Variants in PIGQ observed in about 807,000 individuals in gnomAD.
PIGQ encodes phosphatidylinositol N-acetylglucosaminyltransferase subunit Q.
PIGQ carries 54 observed loss-of-function variants against 60.3 expected under a neutral mutation model. The observed-to-expected ratio is 0.90, with a 90% CI of 0.72 to 1.12. The LOEUF (loss-of-function observed/expected upper bound fraction) is 1.12, where lower values mean the gene tolerates loss of function less well. PIGQ is among the 50% of genes most tolerant of loss of function. The pLI is 0.00. For synonymous variants in PIGQ, 416 were observed against 363.7 expected, an observed-to-expected ratio of 1.14 and a Z score of -1.64; for missense variants, 799 against 793.5, an observed-to-expected ratio of 1.01 and a Z score of -0.08.
chr16:576,543 C>T (rs991006620), intron 4 of PIGQ: 2 of 559,452 alleles, frequency 3.6e-6, no homozygotes, highest in African/African-American at 1.9e-5. Context: ...GCCCAGCGTC[C>T]TGGTATCTCC....
chr16:574,051 C>G lies in PIGQ; in HGVS notation c.-9-15C>G. On this transcript the variant is annotated splice_polypyrimidine_tract_variant and intron_variant, in intron 1 of 10. Coordinates refer to ENST00000321878, the MANE Select transcript of PIGQ (RefSeq NM_004204.5). The stretch of plus-strand genomic sequence containing the variant: ...AGCAGCAGCTCTGAGCCGAGCCTCT[C>G]CTCTTCTCTTCCAGCCTCCCGGCAT... 6.4e-7 allele frequency: 1 copy of G among 1,563,846 alleles called. No homozygotes were observed. Among genetic ancestry groups the G allele is most frequent in the Non-Finnish European group, 8.7e-7 (1 of 1,151,840 alleles).
chr16:576,734 A>C, intron 4 of PIGQ: 1 of 405,224 alleles, frequency 2.5e-6, no homozygotes, highest in Non-Finnish European at 4.4e-6. Context: ...CTTGTCTCCC[A>C]TCTCCCACCT....
At chr16:582,423 G>A (rs2035828976) in intron 10 of PIGQ, 114 bp downstream of exon 10, 5 of 767,750 alleles carry the variant, frequency 6.5e-6, no homozygotes, top group African/African-American at 1.7e-5. Flanking sequence ...TGAGGTACAG[G>A]GAGGGCCCAG....
In PIGQ at chr16:570,065, G is replaced by T. The variant is rs1247049492; in HGVS notation, c.-41G>T. Reference sequence around the variant, plus strand: ...GGGTCCCCAACCCCATCCGGACCCCGCCGCCCGAGCGCGCGGCCCCGGAAG... The same window carrying T: ...GGGTCCCCAACCCCATCCGGACCCCTCCGCCCGAGCGCGCGGCCCCGGAAG... On this transcript the variant is annotated 5_prime_UTR_variant, in exon 1 of 11. Transcript: ENST00000321878. The T allele has an allele frequency of 6.7e-6, 1 of 150,286 alleles. No individual in the cohort carries two copies. Among genetic ancestry groups the T allele is most frequent in the African/African-American group, 2.4e-5 (1 of 41,234 alleles). 9.3% of individuals were successfully genotyped at this position (150,286 alleles called of 1,614,324 possible).
At chr16:579,457 G>A (rs1402120426) in intron 7 of PIGQ, 2 of 240,872 alleles carry the variant, frequency 8.3e-6, no homozygotes, top group South Asian at 5.5e-5. Context: ...AGAGACTAGA[G>A]ATGCCCCGGG....
rs774460971 is a variant in PIGQ, at chr16:584,070, C to G, written c.*1035C>G. On this transcript the variant is annotated 3_prime_UTR_variant, in exon 11 of 11. Transcript: ENST00000321878. ...CCTGGCAACCCAGCACCGGGGAAGC[C>G]GTCAGCTGCTGTGACAATAAAACCT... The G allele has an allele frequency of 3.4e-6, 1 of 290,414 alleles. No homozygotes were observed. The highest frequency in any genetic ancestry group is 6.9e-6 in the Non-Finnish European group (1 of 145,860). 18.0% of individuals were successfully genotyped at this position (290,414 alleles called of 1,614,324 possible). A position where few individuals can be genotyped will look rare whatever the true frequency, so the allele number is the denominator to read the frequency against.
At chr16:574,869 C>T (rs1596383004) in intron 2 of PIGQ, 106 bp downstream of exon 2, 1 of 916,666 alleles carries the variant, frequency 1.1e-6, no homozygotes, top group Non-Finnish European at 1.6e-6. Context: ...TCTTCCTGGG[C>T]CCGGGCCCCC....
intron 10 of PIGQ, 75 bp from the exon 11 acceptor site, chr16:582,808 C>G: frequency 1.4e-6 from 2 of 1,460,032 alleles, no homozygotes; most frequent in Non-Finnish European, 1.9e-6. Context: ...CTCACAACTG[C>G]CCGCCCCCAC....
At chr16:582,853 C>T (rs1226970253) in intron 10 of PIGQ, 30 bp from the exon 11 acceptor site, 3 of 1,569,270 alleles carry the variant, frequency 1.9e-6, no homozygotes, top group Non-Finnish European at 2.6e-6. Context: ...GCTCAGACCA[C>T]CCCACTGACC....
intron 9 of PIGQ, among the ~76,000 whole-genome samples, chr16:581,565 C>T (rs1271093496): frequency 6.6e-6 from 1 of 151,560 alleles, no homozygotes; most frequent in African/African-American, 2.4e-5. Flanking sequence ...TGGGTTCAAG[C>T]GATTCTCCTG....
Position 583,550 on chromosome 16 carries a change from C to G in PIGQ, c.*515C>G, listed in dbSNP as rs200778529. 2.6e-4 allele frequency: 421 copies of G among 1,612,484 alleles called. 1 individual carries two copies. In the Middle Eastern group the frequency reaches 8.4e-3, roughly 32 times the overall value. On this transcript the variant is annotated 3_prime_UTR_variant, in exon 11 of 11. Transcript: ENST00000321878. ...CTGGGGGATTGAAGCAGTCGCTGAC[C>G]CCCGTCCCCAGCGGGCCCGGGCCCT...
At position 583,734 on chromosome 16, in the gene PIGQ, T is replaced by C; in HGVS notation, c.*699T>C. 1 of 1,373,530 alleles carries C rather than the reference T, an allele frequency of 7.3e-7. No homozygotes were observed. The highest frequency in any genetic ancestry group is 1.0e-6 in the Non-Finnish European group (1 of 974,164). The allele number at this position is 1,373,530 out of a possible 1,614,324, so 85.1% of individuals were successfully genotyped here. On this transcript the variant is annotated 3_prime_UTR_variant, in exon 11 of 11. Transcript: ENST00000321878. ...CCACTGACCCAGCCGTACCTATTCGTCCACGGTGCCCCGTAGCAGCAGGTC... is the reference window on the plus strand; with the variant it reads ...CCACTGACCCAGCCGTACCTATTCGCCCACGGTGCCCCGTAGCAGCAGGTC...
At position 583,101 on chromosome 16, in the gene PIGQ, C is replaced by T. The variant is rs767789045; in HGVS notation, c.*66C>T. The T allele has an allele frequency of 6.8e-6, 11 of 1,613,074 alleles. No individual in the cohort carries two copies. The highest frequency in any genetic ancestry group is 9.3e-6 in the Non-Finnish European group (11 of 1,179,946). On this transcript the variant is annotated 3_prime_UTR_variant, in exon 11 of 11. Coordinates refer to ENST00000321878, the MANE Select transcript of PIGQ (RefSeq NM_004204.5). ...CCAGCCATCTGCTCTGCCAGGGTGG[C>T]ACCAGCTCAGCTGGCGCATGTCCTG...
chr16:572,735 TGTG>T (rs1380088877), intron 1 of PIGQ: 1 of 451,402 alleles, frequency 2.2e-6, no homozygotes, highest in African/African-American at 2.1e-5. Flanking sequence ...TCCCTAAGGA[TGTG>T]GTGGGCACTG....
intron 8 of PIGQ, chr16:580,565 G>A: frequency 1.8e-6 from 1 of 553,090 alleles, no homozygotes; most frequent in Non-Finnish European, 3.2e-6. Context: ...GACAGTGGGA[G>A]GTGAGCAGAA....
chr16:574,036 C>G, intron 1 of PIGQ, 30 bp from the exon 2 acceptor site: 2 of 1,504,334 alleles, frequency 1.3e-6, no homozygotes, highest in Non-Finnish European at 1.8e-6. Flanking sequence ...AGCAGCAGCT[C>G]TGAGCCGAGC....
Position 574,420 on chromosome 16 carries a change from A to C in PIGQ, c.346A>C (p.Thr116Pro), listed in dbSNP as rs746728380. ...CGAGGCCACCCACCGGCAAGCGCCC[A>C]CTGCCCCCGGTGCCCCTGGTGAGGA... ...SCEATHRQAPTAPGAPGEDQV... is the reference protein window; with the variant it reads ...SCEATHRQAPPAPGAPGEDQV... The change falls in exon 2 of 11, where the codon ACT (threonine) becomes CCT (proline). Residue 116 changes from threonine to proline, a missense_variant. Coordinates refer to ENST00000321878, the MANE Select transcript of PIGQ (RefSeq NM_004204.5). 1 of 1,610,852 alleles carries C rather than the reference A, an allele frequency of 6.2e-7. No individual in the cohort carries two copies. Among genetic ancestry groups the C allele is most frequent in the South Asian group, 1.1e-5 (1 of 90,676 alleles).
At position 574,421 on chromosome 16, in the gene PIGQ, C is replaced by T. The variant is rs770679946; in HGVS notation, c.347C>T (p.Thr116Ile). 6.2e-7 allele frequency: 1 copy of T among 1,610,948 alleles called. No homozygotes were observed. The highest frequency in any genetic ancestry group is 8.5e-7 in the Non-Finnish European group (1 of 1,179,284). The change falls in exon 2 of 11, where the codon ACT (threonine) becomes ATT (isoleucine). Residue 116 changes from threonine to isoleucine, a missense_variant. Thr to Ile is a moderately conservative substitution (Grantham distance 89, BLOSUM62 -1). Transcript: ENST00000321878. The part of the protein sequence containing the change: ...SCEATHRQAP[T>I]APGAPGEDQV... The stretch of plus-strand genomic sequence containing the variant: ...GAGGCCACCCACCGGCAAGCGCCCA[C>T]TGCCCCCGGTGCCCCTGGTGAGGAC...
chr16:581,283 C>A (rs746442685), intron 9 of PIGQ: 11 of 1,338,720 alleles, frequency 8.2e-6, no homozygotes, highest in Non-Finnish European at 1.1e-5. Flanking sequence ...AACTGCAGGC[C>A]AGGGGCCAAG....
Sources: gnomAD v4.1 joint callset for allele counts (sites outside exome capture counted in the v4.1 genomes callset) on GRCh38, gnomAD v4.1.1 for gene constraint, MANE v1.5 for transcripts, NCBI Gene and HGNC (gene_info 2026-07-23, HGNC 2026-07-21) for gene names.